The following IDH3G variants were observed in gnomAD, a reference collection of about 807,000 sequenced individuals.
IDH3G encodes isocitrate dehydrogenase (NAD(+)) 3 non-catalytic subunit gamma, also known as isocitrate dehydrogenase [NAD] subunit gamma, mitochondrial.
IDH3G carries 9 observed loss-of-function variants against 26.9 expected under a neutral mutation model. The observed-to-expected ratio is 0.34, with a 90% confidence interval of 0.20 to 0.58. The LOEUF is 0.58. IDH3G is among the 20% of genes least tolerant of loss of function. The probability of loss-of-function intolerance (pLI) is 0.85; values close to 1 mark genes in which losing one functional copy is unlikely to be tolerated. For missense variants in IDH3G, 250 were observed against 372.8 expected (o/e 0.67, Z 2.71); for synonymous variants, 181 against 160.0 (o/e 1.13, Z -0.99).
intron 1 of IDH3G, among the ~76,000 whole-genome samples, chrX:153,793,275 C>T (rs1484518600): frequency 1.8e-5 from 2 of 111,958 alleles, no homozygotes; most frequent in African/African-American, 6.5e-5. Context: ...TACTGCCGTC[C>T]TTTCAGCAGC....
intron 8 of IDH3G, 56 bp from the exon 9 acceptor site, chrX:153,787,209 G>C: frequency 1.0e-6 from 1 of 963,064 alleles, no homozygotes; most frequent in Non-Finnish European, 1.5e-6. Flanking sequence ...GTCAGCCAGA[G>C]GGACGGGGCG....
rs1557069583 is a variant in IDH3G, at chrX:153,787,898, C to T, written c.465G>A (p.Val155=). ...VIHCKSLPGV[V]TRHKDIDILI... The stretch of plus-strand genomic sequence containing the variant: ...GGATGTCTATGTCCTTGTGCCGGGT[C>T]ACCACGCCTGGAAGGCTCTTACAGT... Residue 155 remains valine, a synonymous_variant, in exon 7 of 13, where the codon GTG becomes GTA. Coordinates refer to ENST00000217901, the MANE Select transcript of IDH3G (RefSeq NM_004135.4). The T allele has an allele frequency of 4.1e-6, 5 of 1,209,709 alleles. No homozygotes were observed. The highest frequency in any genetic ancestry group is 2.2e-5 in the Admixed American group (1 of 45,918).
At chrX:153,787,234 G>A in intron 8 of IDH3G, 81 bp from the exon 9 acceptor site, 1 of 819,729 alleles carries the variant, frequency 1.2e-6, no homozygotes, top group Non-Finnish European at 1.8e-6. Flanking sequence ...GAGGGCCCCA[G>A]GAGGCTGGGG....
Position 153,787,930 on chromosome X carries a change from C to T in IDH3G, c.433G>A (p.Val145Ile). ...CCTGGAAGGCTCTTACAGTGGATGACGTTGGCATAGAGGTCCAGGCTGGTG... is the reference window on the plus strand; with the variant it reads ...CCTGGAAGGCTCTTACAGTGGATGATGTTGGCATAGAGGTCCAGGCTGGTG... ...LRTSLDLYAN[V>I]IHCKSLPGVV... The change falls in exon 7 of 13, where the codon GTC becomes ATC. Residue 145 changes from valine to isoleucine, a missense_variant. Val to Ile is a conservative substitution (Grantham distance 29). Around this residue, in one of 2 missense-constraint regions of IDH3G, gnomAD observed 201 missense variants for 331.3 expected, o/e 0.61. Transcript: ENST00000217901. 4.1e-6 allele frequency: 5 copies of T among 1,211,292 alleles called. No homozygotes were observed. Among genetic ancestry groups the T allele is most frequent in the Non-Finnish European group, 4.5e-6 (4 of 894,916 alleles).
chrX:153,791,162 G>A (rs1330339204), intron 1 of IDH3G: 10 of 296,620 alleles, frequency 3.4e-5, no homozygotes, highest in Middle Eastern at 9.3e-4. Flanking sequence ...AGTTATTCCC[G>A]CTCAGCGATG....
At position 153,786,248 on chromosome X, in the gene IDH3G, G is replaced by A. The variant is rs782808476; in HGVS notation, c.1044C>T (p.Ile348=). 13 of 1,205,878 alleles carry A rather than the reference G, an allele frequency of 1.1e-5. No homozygotes were observed. Among genetic ancestry groups the A allele is most frequent in the Middle Eastern group, 2.3e-4 (1 of 4,356 alleles). The change falls in exon 12 of 13, where the codon ATC becomes ATT. Residue 348 remains isoleucine (I), a synonymous_variant. Transcript: ENST00000217901. ...CCATGGATGCCAGGACAGCCTTACG[G>A]ATGGAGGTGGCATAGGAGTGCAGCC... ...HLKLHSYATS[I]RKAVLASMDN...
At chrX:153,790,981 G>A in intron 1 of IDH3G, 130 bp from the exon 2 acceptor site, 1 of 545,561 alleles carries the variant, frequency 1.8e-6, no homozygotes, top group Non-Finnish European at 3.1e-6. Context: ...ACTGCCAGGG[G>A]CACAATAGAT....
In IDH3G at chrX:153,788,110, C is replaced by T; in HGVS notation, c.372G>A (p.Leu124=). 8.2e-7 allele frequency: 1 copy of T among 1,212,179 alleles called. No homozygotes were observed. The highest frequency in any genetic ancestry group is 1.1e-6 in the Non-Finnish European group (1 of 895,498). ...LKGNIETNHN[L]PPSHKSRNNI... The stretch of plus-strand genomic sequence containing the variant: ...TGTTTCGAGATTTGTGCGACGGTGG[C>T]AGGTTATGGTTGGTTTCGATGTTGC... Residue 124 remains leucine (L), a synonymous_variant, in exon 6 of 13, where the codon CTG becomes CTA. Transcript: ENST00000217901.
intron 1 of IDH3G, 102 bp from the exon 2 acceptor site, chrX:153,790,953 G>C: frequency 1.3e-6 from 1 of 746,385 alleles, no homozygotes; most frequent in Non-Finnish European, 2.1e-6. Context: ...CAGGTCCCCT[G>C]TCTGTGCAGC....
intron 1 of IDH3G, among the ~76,000 whole-genome samples, chrX:153,792,034 G>A (rs1159616335): frequency 8.9e-6 from 1 of 112,029 alleles, no homozygotes; most frequent in East Asian, 2.8e-4. Context: ...TCTTATTTGG[G>A]GGCTCTTGTA....
At chrX:153,791,522 A>C (rs1366548573) in intron 1 of IDH3G, among the ~76,000 whole-genome samples, 1 of 112,568 alleles carries the variant, frequency 8.9e-6, no homozygotes, top group African/African-American at 3.2e-5. Flanking sequence ...AATGTCCCCA[A>C]CGCCCTGACT....
At chrX:153,788,941 G>A (rs2092099064) in intron 5 of IDH3G, among the ~76,000 whole-genome samples, 1 of 112,620 alleles carries the variant, frequency 8.9e-6, no homozygotes, top group South Asian at 3.6e-4. Context: ...CTGCAGCCGA[G>A]GAGCCAGGCA....
chrX:153,786,828 A>G lies in IDH3G; in HGVS notation c.897T>C (p.Tyr299=). Residue 299 remains tyrosine, a synonymous_variant, in exon 10 of 13, where the codon TAT becomes TAC. Coordinates refer to ENST00000217901, the MANE Select transcript of IDH3G (RefSeq NM_004135.4). ...GGPGLVAGAN[Y]GHVYAVFETA... ...TTTCAAACACCGCGTACACATGGCCATAGTTGGCCCCAGCCACAAGGCCTG... is the reference window on the plus strand; with the variant it reads ...TTTCAAACACCGCGTACACATGGCCGTAGTTGGCCCCAGCCACAAGGCCTG... 8.3e-7 allele frequency: 1 copy of G among 1,209,901 alleles called. No homozygotes were observed. Among genetic ancestry groups the G allele is most frequent in the South Asian group, 1.8e-5 (1 of 56,971 alleles).
chrX:153,786,193 G>A lies in IDH3G; in HGVS notation c.1080+19C>T, dbSNP rs1557069111. ...GAGACTGGGCGGGGCAGCAGGGTAGGGTGCGAGGGGAACCTCACATTCTCA... is the reference window on the plus strand; with the variant it reads ...GAGACTGGGCGGGGCAGCAGGGTAGAGTGCGAGGGGAACCTCACATTCTCA... On this transcript the variant is annotated intron_variant, in intron 12 of 12. Transcript: ENST00000217901. The A allele has an allele frequency of 1.7e-6, 2 of 1,208,093 alleles. No individual in the cohort carries two copies. Among genetic ancestry groups the A allele is most frequent in the South Asian group, 3.5e-5 (2 of 56,673 alleles).
chrX:153,788,733 C>T (rs73247634), intron 5 of IDH3G, among the ~76,000 whole-genome samples: 458 of 113,205 alleles, frequency 4.0e-3, no homozygotes, highest in Non-Finnish European at 7.4e-3. Context: ...CGCGGGGGTC[C>T]CCTGTGGCTG....
intron 5 of IDH3G, among the ~76,000 whole-genome samples, chrX:153,788,850 T>C (rs1355011320): frequency 1.8e-5 from 2 of 112,629 alleles, no homozygotes; most frequent in East Asian, 2.8e-4. Context: ...GTGTGCAAAA[T>C]GAGCAATGGA....
At position 153,788,061 on chromosome X, in the gene IDH3G, C is replaced by T; in HGVS notation, c.407+14G>A. ...AGCCCCACCAAGCCCCCAGCCCGCA[C>T]ACCCGGATCTCACCGAAGGATGTTG... is the stretch of plus-strand genomic sequence containing the variant. On this transcript the variant is annotated intron_variant, in intron 6 of 12. Coordinates refer to ENST00000217901, the MANE Select transcript of IDH3G (RefSeq NM_004135.4). 8.3e-7 allele frequency: 1 copy of T among 1,211,735 alleles called. No individual in the cohort carries two copies. Among genetic ancestry groups the T allele is most frequent in the Non-Finnish European group, 1.1e-6 (1 of 895,281 alleles).
intron 12 of IDH3G, 91 bp from the exon 13 acceptor site, chrX:153,786,064 G>C: frequency 1.7e-6 from 2 of 1,203,660 alleles, no homozygotes; most frequent in Non-Finnish European, 2.2e-6. Context: ...CCACAGGAGG[G>C]AAGTGGCACC....
chrX:153,789,590 C>G lies in IDH3G; in HGVS notation c.346+122G>C, dbSNP rs78715065. The G allele has an allele frequency of 6.1e-3, 3,010 of 489,583 alleles. 66 individuals carry two copies. In the African/African-American group the frequency reaches 0.064, roughly 10 times the overall value. The allele number at this position is 489,583 out of a possible 1,213,427, so 40.3% of individuals were successfully genotyped here. A position where few individuals can be genotyped will look rare whatever the true frequency, so the allele number is the denominator to read the frequency against. ...GCAAGAAAGCAAAAAAGCAAGCAAG[C>G]AAGAAAGCAGGAAAGCAAGCAAGAA... On this transcript the variant is annotated intron_variant, in intron 5 of 12. Coordinates refer to ENST00000217901, the MANE Select transcript of IDH3G (RefSeq NM_004135.4).
Sources: gnomAD v4.1 joint callset for allele counts (sites outside exome capture counted in the v4.1 genomes callset) on GRCh38, gnomAD v4.1.1 for gene constraint, gnomAD v4.1.1 regional missense constraint, MANE v1.5 for transcripts, NCBI Gene and HGNC (gene_info 2026-07-23, HGNC 2026-07-21) for gene names.